Variants in COL21A1 observed in about 807,000 individuals in gnomAD.
The protein encoded by COL21A1 is collagen type XXI alpha 1 chain.
In COL21A1, 149 loss-of-function variants were observed where a neutral mutation model predicts 137.9. That is an observed-to-expected ratio of 1.08 (90% CI 0.95 to 1.24). The LOEUF is 1.24. COL21A1 is among the 50% of genes most tolerant of loss of function. The pLI is 0.00. For missense variants in COL21A1, 1,167 were observed against 1,158.4 expected (o/e 1.01, Z -0.11); for synonymous variants, 456 against 391.5 (o/e 1.16, Z -1.95).
chr6:56,298,756 T>TC (rs1764215809), intron 1 of COL21A1, among the ~76,000 whole-genome samples: 1 of 152,110 alleles, frequency 6.6e-6, no homozygotes. Flanking sequence ...GCCAGCCCCA[T>TC]CAACAGCAAC....
intron 1 of COL21A1, among the ~76,000 whole-genome samples, chr6:56,285,985 C>T (rs186823542): frequency 1.4e-4 from 22 of 152,074 alleles, no homozygotes; most frequent in Admixed American, 9.2e-4. Context: ...GCCTTTTATA[C>T]GGGCAGTTAA....
chr6:56,293,922 G>C (rs1764109879), intron 1 of COL21A1, among the ~76,000 whole-genome samples: 1 of 152,184 alleles, frequency 6.6e-6, no homozygotes, highest in African/African-American at 2.4e-5. Context: ...AACTGAACTT[G>C]AACTGTAACA....
intron 1 of COL21A1, among the ~76,000 whole-genome samples, chr6:56,392,956 CA>C (rs754739224): frequency 6.7e-6 from 1 of 148,392 alleles, no homozygotes; most frequent in African/African-American, 2.5e-5. Context: ...CAATCTCTGT[CA>C]AAATACAAAT....
chr6:56,206,241 C>T (rs1039155123), intron 1 of COL21A1, among the ~76,000 whole-genome samples: 7 of 150,172 alleles, frequency 4.7e-5, no homozygotes, highest in African/African-American at 1.7e-4. Flanking sequence ...GGAGATCCAA[C>T]TAATGTGCAA....
chr6:56,164,198 G>C (rs992540911), intron 9 of COL21A1, among the ~76,000 whole-genome samples: 1 of 152,130 alleles, frequency 6.6e-6, no homozygotes, highest in Admixed American at 6.5e-5. Flanking sequence ...TACTGTCTCA[G>C]TTTAATGTGG....
At chr6:56,208,393 A>G (rs947424217) in intron 1 of COL21A1, among the ~76,000 whole-genome samples, 2 of 152,220 alleles carry the variant, frequency 1.3e-5, no homozygotes, top group African/African-American at 4.8e-5. Context: ...AGACAAACAG[A>G]GAGCCAAATC....
chr6:56,075,540 A>T lies in COL21A1; in HGVS notation c.1858-8T>A. On this transcript the variant is annotated splice_polypyrimidine_tract_variant and splice_region_variant and intron_variant, in intron 18 of 29. Transcript: ENST00000244728. ...TGGAGGCCCAATTTCTCCCTAAAAA[A>T]ATCAAACATTAAAAACATTATAAAT... 6.6e-7 allele frequency: 1 copy of T among 1,511,224 alleles called. No individual in the cohort carries two copies. The highest frequency in any genetic ancestry group is 8.9e-7 in the Non-Finnish European group (1 of 1,128,832). 93.6% of individuals were successfully genotyped at this position (1,511,224 alleles called of 1,614,324 possible).
intron 1 of COL21A1, among the ~76,000 whole-genome samples, chr6:56,211,407 A>C (rs1469911028): frequency 6.6e-6 from 1 of 151,962 alleles, no homozygotes; most frequent in Non-Finnish European, 1.5e-5. Flanking sequence ...CTCTTACTTT[A>C]AACCTTTTTA....
chr6:56,319,877 A>G (rs531092563), intron 1 of COL21A1, among the ~76,000 whole-genome samples: 1 of 152,100 alleles, frequency 6.6e-6, no homozygotes, highest in African/African-American at 2.4e-5. Context: ...TAGTTCCTCC[A>G]TTTGAATTTC....
intron 1 of COL21A1, among the ~76,000 whole-genome samples, chr6:56,369,348 G>A (rs540145605): frequency 1.3e-5 from 2 of 151,340 alleles, no homozygotes; most frequent in African/African-American, 4.9e-5. Flanking sequence ...ATAAACGCAG[G>A]ACCCATCAAA....
chr6:56,346,256 C>T (rs12110833), intron 1 of COL21A1, among the ~76,000 whole-genome samples: 50,588 of 152,054 alleles, frequency 0.33, 8,598 homozygotes, highest in Middle Eastern at 0.39. Flanking sequence ...TGCTGATACT[C>T]TGACTTCTAA....
intron 1 of COL21A1, among the ~76,000 whole-genome samples, chr6:56,289,488 C>G (rs73459053): frequency 0.024 from 3,613 of 152,258 alleles, 156 homozygotes; most frequent in African/African-American, 0.082. Context: ...ACTATTTTCT[C>G]TCTGCTAAGG....
intron 1 of COL21A1, among the ~76,000 whole-genome samples, chr6:56,302,089 T>C (rs1764309983): frequency 6.6e-6 from 1 of 151,992 alleles, no homozygotes; most frequent in African/African-American, 2.4e-5. Flanking sequence ...TAGTATTCCA[T>C]GGTGTATATG....
At chr6:56,157,307 C>CTTTTT (rs34605782) in intron 9 of COL21A1, among the ~76,000 whole-genome samples, 1 of 94,032 alleles carries the variant, frequency 1.1e-5, no homozygotes, top group African/African-American at 4.3e-5. Context: ...ACTCATAAGA[C>CTTTTT]TTTTTTTTTT....
At chr6:56,124,678 G>T (rs1772864094) in intron 14 of COL21A1, among the ~76,000 whole-genome samples, 1 of 152,074 alleles carries the variant, frequency 6.6e-6, no homozygotes, top group South Asian at 2.1e-4. Context: ...GTCTCACTCT[G>T]TTGCCCAGGC....
intron 12 of COL21A1, among the ~76,000 whole-genome samples, chr6:56,138,870 T>G (rs1774194600): frequency 6.6e-6 from 1 of 152,052 alleles, no homozygotes; most frequent in Admixed American, 6.6e-5. Context: ...TGGTTTCAAA[T>G]GGATCATCCT....
intron 17 of COL21A1, among the ~76,000 whole-genome samples, chr6:56,098,694 TAA>T (rs1491415705): frequency 7.3e-5 from 7 of 95,986 alleles, no homozygotes; most frequent in African/African-American, 8.2e-5. Context: ...TATAAATATA[TAA>T]ATATATATAT....
At chr6:56,059,947 T>G in intron 28 of COL21A1, 71 bp downstream of exon 28, 1 of 1,072,414 alleles carries the variant, frequency 9.3e-7, no homozygotes. Flanking sequence ...GACTATTAAA[T>G]GGATATAGGG....
At chr6:56,184,228 C>T (rs1044398538) in intron 1 of COL21A1, among the ~76,000 whole-genome samples, 14 of 152,178 alleles carry the variant, frequency 9.2e-5, no homozygotes, top group Admixed American at 5.2e-4. Flanking sequence ...TGCCTACATA[C>T]ATCATATTCA....
Sources: allele counts gnomAD v4.1 joint callset (sites outside exome capture counted in the v4.1 genomes callset), GRCh38; gene constraint gnomAD v4.1.1; transcripts MANE v1.5; gene names NCBI Gene and HGNC (gene_info 2026-07-23, HGNC 2026-07-21).